ZNF764: variants seen among roughly 807,000 people sequenced by gnomAD.
The protein encoded by ZNF764 is zinc finger protein 764.
A neutral mutation model predicts 13.9 loss-of-function variants in ZNF764; 10 were observed. The ratio of observed to expected loss-of-function variants is 0.72; its 90% CI spans 0.44 to 1.22. ZNF764 has a LOEUF of 1.22. Among genes scored for constraint, ZNF764 ranks in the 50% most tolerant of loss-of-function variants. ZNF764 has a pLI of 0.00. For synonymous variants in ZNF764, 313 were observed against 255.1 expected, an observed-to-expected ratio of 1.23 and a Z score of -2.16; for missense variants, 647 against 589.7, an observed-to-expected ratio of 1.10 and a Z score of -1.01.
In ZNF764 at chr16:30,555,189, G is replaced by A. The variant is rs753946944; in HGVS notation, c.*5C>T. The stretch of plus-strand genomic sequence containing the variant: ...GTAATGTCTAGATAGTCACTTTTAA[G>A]GCCGTCACCCACACTCCTGGAATAT... On this transcript the variant is annotated 3_prime_UTR_variant, in exon 3 of 3. Transcript: ENST00000395091. 1.9e-6 allele frequency: 3 copies of A among 1,603,204 alleles called. No individual in the cohort carries two copies. Among genetic ancestry groups the A allele is most frequent in the East Asian group, 4.5e-5 (2 of 44,672 alleles).
chr16:30,555,444 TG>T lies in ZNF764; in HGVS notation c.973del (p.Gln325ArgfsTer57). ...CCTGTGGGCTGCCATCTCCGAGCTC[TG>T]GCGGAAGCAGCGCCCGCAGTCCGGG... ...PCPDCGRCFR[Q>X]SSEMAAHRRT... On this transcript the variant is annotated frameshift_variant, in exon 3 of 3. Transcript: ENST00000395091. LOFTEE classifies it low-confidence loss of function (END_TRUNC). The T allele has an allele frequency of 6.4e-7, 1 of 1,554,672 alleles. No homozygotes were observed. Among genetic ancestry groups the T allele is most frequent in the Non-Finnish European group, 8.7e-7 (1 of 1,146,212 alleles).
Position 30,555,507 on chromosome 16 carries a change from T to G in ZNF764, c.911A>C (p.His304Pro), listed in dbSNP as rs1263218408. The G allele has an allele frequency of 6.5e-7, 1 of 1,539,174 alleles. No homozygotes were observed. The highest frequency in any genetic ancestry group is 2.3e-5 in the East Asian group (1 of 43,996). ...CTTCTCGCCGGTGTGGGTGCGCACG[T>G]GGCGCCGCAGGTCCGAGGGGTAGGC... ...AFAYPSDLRR[H>P]VRTHTGEKPY... The change falls in exon 3 of 3, where the codon CAC becomes CCC. Residue 304 changes from histidine (H) to proline (P), a missense_variant. By Grantham distance (77) the His-to-Pro change is moderately conservative. Transcript: ENST00000395091.
intron 2 of ZNF764, 83 bp downstream of exon 2, chr16:30,557,650 G>C: frequency 6.4e-7 from 1 of 1,556,072 alleles, no homozygotes; most frequent in African/African-American, 1.4e-5. Flanking sequence ...AAACTGCTAA[G>C]CAGGTAGCTG....
rs1260534144 is a variant in ZNF764, at chr16:30,555,485, C to A, written c.933G>T (p.Glu311Asp). The change falls in exon 3 of 3, where the codon GAG (glutamate) becomes GAT (aspartate). Residue 311 changes from glutamate to aspartate, a missense_variant. Transcript: ENST00000395091. ...CGCAGTCCGGGCACGGGTAGGGCTT[C>A]TCGCCGGTGTGGGTGCGCACGTGGC... The part of the protein sequence containing the change: ...LRRHVRTHTG[E>D]KPYPCPDCGR... The A allele has an allele frequency of 1.3e-6, 2 of 1,550,182 alleles. No homozygotes were observed. The highest frequency in any genetic ancestry group is 8.7e-7 in the Non-Finnish European group (1 of 1,152,578).
intron 2 of ZNF764, among the ~76,000 whole-genome samples, chr16:30,556,507 G>C (rs1428146951): frequency 6.6e-6 from 1 of 152,078 alleles, no homozygotes; most frequent in Non-Finnish European, 1.5e-5. Flanking sequence ...GGGCGGACGG[G>C]GAGAAAGGAA....
chr16:30,556,566 T>C (rs2051558017), intron 2 of ZNF764, among the ~76,000 whole-genome samples: 1 of 150,032 alleles, frequency 6.7e-6, no homozygotes, highest in African/African-American at 2.5e-5. Context: ...GGAGGTAGAG[T>C]CAACAGAGTT....
rs2051552370 is a variant in ZNF764 at position 30,555,975 on chromosome 16, TC to T, written c.442del (p.Glu148SerfsTer70). Reference sequence around the variant, plus strand: ...CCGGTGCGGTGCCTTGGACAGCTGCTCCCAACCATAAGGGGGCCCGGCCGAG... The same window carrying T: ...CCGGTGCGGTGCCTTGGACAGCTGCTCCAACCATAAGGGGGCCCGGCCGAG... ...APSAGPPYGWEQLSKAPHRGR... is the reference protein window; with the variant it reads ...APSAGPPYGWXQLSKAPHRGR... On this transcript the variant is annotated frameshift_variant, in exon 3 of 3. Coordinates refer to ENST00000395091, the MANE Select transcript of ZNF764 (RefSeq NM_001172679.2). LOFTEE classifies it low-confidence loss of function (END_TRUNC). The T allele has an allele frequency of 1.9e-6, 3 of 1,611,362 alleles. No individual in the cohort carries two copies. Among genetic ancestry groups the T allele is most frequent in the Non-Finnish European group, 2.5e-6 (3 of 1,179,708 alleles).
chr16:30,557,682 A>G, intron 2 of ZNF764, 51 bp downstream of exon 2: 1 of 1,603,482 alleles, frequency 6.2e-7, no homozygotes, highest in Non-Finnish European at 8.5e-7. Flanking sequence ...GGGTACCGGG[A>G]TGGGACAGGA....
At chr16:30,557,004 G>A (rs1410171518) in intron 2 of ZNF764, among the ~76,000 whole-genome samples, 1 of 152,174 alleles carries the variant, frequency 6.6e-6, no homozygotes, top group African/African-American at 2.4e-5. Flanking sequence ...GCCGGGCGTG[G>A]TGGCGGGCGC....
At chr16:30,557,673 G>T in intron 2 of ZNF764, 60 bp downstream of exon 2, 1 of 1,593,642 alleles carries the variant, frequency 6.3e-7, no homozygotes, top group South Asian at 1.1e-5. Flanking sequence ...GGTGGCAGAG[G>T]GTACCGGGAT....
intron 2 of ZNF764, among the ~76,000 whole-genome samples, chr16:30,556,753 C>T (rs2051559473): frequency 6.6e-6 from 1 of 152,036 alleles, no homozygotes. Context: ...CGCAGTGGGT[C>T]ACTTTGGAAG....
At position 30,554,046 on chromosome 16, in the gene ZNF764, T is replaced by C; in HGVS notation, c.*1148A>G. On this transcript the variant is annotated 3_prime_UTR_variant, in exon 3 of 3. Coordinates refer to ENST00000395091, the MANE Select transcript of ZNF764 (RefSeq NM_001172679.2). ...GTGCTTGGTCAGGAGCCCACGGGAG[T>C]GGTGGGGATGGGTGGCCGGGCCACG... 1 of 151,456 alleles carries C rather than the reference T, an allele frequency of 6.6e-6. No homozygotes were observed. Among genetic ancestry groups the C allele is most frequent in the East Asian group, 1.9e-4 (1 of 5,156 alleles). The allele number at this position is 151,456 out of a possible 1,614,324, so 9.4% of individuals were successfully genotyped here.
chr16:30,556,253 C>T (rs1260885455), intron 2 of ZNF764, 146 bp from the exon 3 acceptor site: 1 of 919,322 alleles, frequency 1.1e-6, no homozygotes, highest in Non-Finnish European at 1.7e-6. Flanking sequence ...GGCTGCAGAG[C>T]CAGACAGAGC....
At chr16:30,556,316 G>A (rs1346591703) in intron 2 of ZNF764, among the ~76,000 whole-genome samples, 1 of 152,068 alleles carries the variant, frequency 6.6e-6, no homozygotes, top group Non-Finnish European at 1.5e-5. Flanking sequence ...ATGTCACGGT[G>A]GGGGAAGGGC....
intron 1 of ZNF764, 46 bp downstream of exon 1, chr16:30,557,941 G>A (rs915228514): frequency 1.3e-6 from 2 of 1,573,604 alleles, no homozygotes; most frequent in Non-Finnish European, 1.7e-6. Flanking sequence ...AGGCGCGGCA[G>A]GGCCTGTGGG....
chr16:30,555,689 C>G lies in ZNF764; in HGVS notation c.729G>C (p.Ser243=), dbSNP rs1412170081. 3.2e-6 allele frequency: 5 copies of G among 1,568,102 alleles called. No homozygotes were observed. Among genetic ancestry groups the G allele is most frequent in the Non-Finnish European group, 4.3e-6 (5 of 1,160,374 alleles). The change falls in exon 3 of 3, where the codon TCG becomes TCC. Residue 243 remains serine, a synonymous_variant. Coordinates refer to ENST00000395091, the MANE Select transcript of ZNF764 (RefSeq NM_001172679.2). ...GGACGCGCAGGTGCGAAGTCAGCGC[C>G]GAGCGCTGCGTGAAGGCCCGGCCAC... ...LECGRAFTQR[S]ALTSHLRVHT...
chr16:30,558,188 C>T lies in ZNF764; in HGVS notation c.-6G>A, dbSNP rs746741429. ...GGGGCCAGAGGCGGCGCCATGGTAA[C>T]TGTCAACCCCGACGACGGATCGGCT... is the stretch of plus-strand genomic sequence containing the variant. On this transcript the variant is annotated 5_prime_UTR_variant, in exon 1 of 3. Coordinates refer to ENST00000395091, the MANE Select transcript of ZNF764 (RefSeq NM_001172679.2). 12 of 1,574,302 alleles carry T rather than the reference C, an allele frequency of 7.6e-6. No individual in the cohort carries two copies. The highest frequency in any genetic ancestry group is 9.4e-6 in the Non-Finnish European group (11 of 1,167,220).
intron 2 of ZNF764, among the ~76,000 whole-genome samples, chr16:30,556,541 G>A (rs2051557838): frequency 6.6e-6 from 1 of 152,014 alleles, no homozygotes; most frequent in South Asian, 2.1e-4. Context: ...GAACGGCAGG[G>A]GTGGGTCCTG....
rs1275688650 is a variant in ZNF764, at chr16:30,554,543, A to T, written c.*651T>A. On this transcript the variant is annotated 3_prime_UTR_variant, in exon 3 of 3. Coordinates refer to ENST00000395091, the MANE Select transcript of ZNF764 (RefSeq NM_001172679.2). ...ACGCCTGTAATCCCAGCACTTGCGG[A>T]AGCCGAGACGACAGGATCACTTCAG... The T allele has an allele frequency of 6.6e-6, 1 of 152,226 alleles. No homozygotes were observed. The highest frequency in any genetic ancestry group is 6.5e-5 in the Admixed American group (1 of 15,268). The allele number at this position is 152,226 out of a possible 1,614,324, so 9.4% of individuals were successfully genotyped here. A position where few individuals can be genotyped will look rare whatever the true frequency, so the allele number is the denominator to read the frequency against.
Sources: allele counts gnomAD v4.1 joint callset (sites outside exome capture counted in the v4.1 genomes callset), GRCh38; gene constraint gnomAD v4.1.1; transcripts MANE v1.5; gene names NCBI Gene and HGNC (gene_info 2026-07-23, HGNC 2026-07-21).